The following ZNF423 variants were observed in gnomAD, a reference collection of about 807,000 sequenced individuals.
ZNF423 encodes zinc finger protein 423.
In ZNF423, 12 loss-of-function variants were observed where a neutral mutation model predicts 95.8. The ratio of observed to expected loss-of-function variants is 0.13; its 90% confidence interval spans 0.08 to 0.20. The LOEUF (loss-of-function observed/expected upper bound fraction) is 0.20. Among genes scored for constraint, ZNF423 ranks in the 10% least tolerant of loss-of-function variants. The pLI is 1.00. For synonymous variants in ZNF423, 749 were observed against 711.9 expected (o/e 1.05, Z -0.83); for missense variants, 1,316 against 1,737.1 (o/e 0.76, Z 4.31).
At chr16:49,566,533 T>C (rs1348847658) in intron 5 of ZNF423, among the ~76,000 whole-genome samples, 1 of 152,084 alleles carries the variant, frequency 6.6e-6, no homozygotes, top group Non-Finnish European at 1.5e-5. Context: ...TGTGGAGCTG[T>C]GTGGTGGGGG....
At chr16:49,653,696 C>A (rs542310924) in intron 3 of ZNF423, among the ~76,000 whole-genome samples, 1 of 152,300 alleles carries the variant, frequency 6.6e-6, no homozygotes, top group African/African-American at 2.4e-5. Flanking sequence ...GGGAGATGGA[C>A]AACACTTTTG....
chr16:49,844,867 C>T (rs2035226633), intron 1 of ZNF423, among the ~76,000 whole-genome samples: 1 of 151,748 alleles, frequency 6.6e-6, no homozygotes, highest in Non-Finnish European at 1.5e-5. Context: ...GAAACTCTGT[C>T]TCTACTAAAA....
Position 49,635,308 on chromosome 16 carries a change from T to C in ZNF423, c.3516+352A>G, listed in dbSNP as rs1395144600. 1.3e-5 allele frequency among the ~76,000 whole-genome samples: 2 copies of C among 152,242 alleles called. No individual in the cohort carries two copies. Among genetic ancestry groups the C allele is most frequent in the South Asian group, 4.1e-4 (2 of 4,824 alleles). On this transcript the variant is annotated intron_variant, in intron 4 of 7. Coordinates refer to ENST00000563137, the MANE Select transcript of ZNF423 (RefSeq NM_001379286.1). The surrounding 1 kb of genome is among the most constrained non-coding windows in gnomAD (Gnocchi z 4.8). ...CAACAAAGACACAAGCCACCACCCA[T>C]GGTGCCCTCACTGTGCATCAGCCAC...
chr16:49,679,796 G>C (rs2151936076), intron 3 of ZNF423, among the ~76,000 whole-genome samples: 1 of 152,362 alleles, frequency 6.6e-6, no homozygotes, highest in East Asian at 1.9e-4. Flanking sequence ...CCTGGGGTCT[G>C]GGCTGTCAGT....
In ZNF423 at chr16:49,590,029, A is replaced by AATATATATATATATATATATATAT. The variant is rs201361462; in HGVS notation, c.3601+36140_3601+36141insATATATATATATATATATATATAT. Among the ~76,000 whole-genome samples the AATATATATATATATATATATATAT allele has an allele frequency of 2.4e-3, 231 of 97,494 alleles. 8 individuals are homozygous for AATATATATATATATATATATATAT. Among genetic ancestry groups the AATATATATATATATATATATATAT allele is most frequent in the African/African-American group, 2.6e-3 (70 of 27,242 alleles). The allele number at this position is 97,494 out of a possible 152,430, so 64.0% of individuals were successfully genotyped here. ...GGGATGGGGTAAAGGGGAAGTGGCG[A>AATATATATATATATATATATATAT]ATATATATATATATATATATATTTG... On this transcript the variant is annotated intron_variant, in intron 5 of 7. Transcript: ENST00000563137.
chr16:49,526,894 G>A (rs1237515976), intron 5 of ZNF423, among the ~76,000 whole-genome samples: 1 of 152,034 alleles, frequency 6.6e-6, no homozygotes, highest in Non-Finnish European at 1.5e-5. Flanking sequence ...CAGTGTTGGT[G>A]AGAGTATTAT....
chr16:49,684,712 C>A (rs2031494683), intron 3 of ZNF423, among the ~76,000 whole-genome samples: 1 of 152,188 alleles, frequency 6.6e-6, no homozygotes, highest in Non-Finnish European at 1.5e-5. Flanking sequence ...GGGGGTGGAA[C>A]CCGCATCTTC....
At chr16:49,835,542 CCA>C (rs1364841809) in intron 1 of ZNF423, among the ~76,000 whole-genome samples, 10 of 152,230 alleles carry the variant, frequency 6.6e-5, no homozygotes, top group Admixed American at 6.5e-4. Context: ...GGCTGGGGGC[CCA>C]CAGTCTGCTC....
At chr16:49,822,171 GA>G (rs966471039) in intron 1 of ZNF423, among the ~76,000 whole-genome samples, 1 of 127,446 alleles carries the variant, frequency 7.8e-6, no homozygotes, top group Non-Finnish European at 1.8e-5. Context: ...ACCCCCGCAG[GA>G]ATTTTTTTTT....
chr16:49,748,863 T>C (rs965797649), intron 2 of ZNF423, among the ~76,000 whole-genome samples: 2 of 152,134 alleles, frequency 1.3e-5, no homozygotes, highest in Admixed American at 6.5e-5. Flanking sequence ...CAGCTTCTTC[T>C]GAGCATCGAG....
intron 7 of ZNF423, among the ~76,000 whole-genome samples, chr16:49,491,986 GGCCGAAT>G (rs1161191382): frequency 2.6e-5 from 4 of 152,304 alleles, no homozygotes; most frequent in African/African-American, 9.6e-5. Context: ...AGTGCAGTTT[GGCCGAAT>G]GCACCTAGGA....
At chr16:49,652,220 T>C (rs1425210422) in intron 3 of ZNF423, among the ~76,000 whole-genome samples, 1 of 151,930 alleles carries the variant, frequency 6.6e-6, no homozygotes, top group Non-Finnish European at 1.5e-5. Flanking sequence ...CCTTTCCCCT[T>C]GAAGCCTCTG....
At chr16:49,508,797 C>T (rs34003460) in intron 7 of ZNF423, among the ~76,000 whole-genome samples, 63,260 of 151,902 alleles carry the variant, frequency 0.42, 13,700 homozygotes, top group African/African-American at 0.54. Flanking sequence ...TAGCATCTTG[C>T]TCCTCACCTT....
chr16:49,636,294 C>T lies in ZNF423; in HGVS notation c.2882G>A (p.Arg961Gln), dbSNP rs750544885. 1.1e-4 allele frequency: 170 copies of T among 1,612,680 alleles called. No individual in the cohort carries two copies. The highest frequency in any genetic ancestry group is 4.9e-4 in the Middle Eastern group (3 of 6,062). ...NGLREHLQTHRGPAKHYMCPI... is the reference protein window; with the variant it reads ...NGLREHLQTHQGPAKHYMCPI... ...ACACATGTAGTGCTTGGCAGGGCCC[C>T]GGTGCGTCTGCAGGTGCTCCCGTAG... The change falls in exon 4 of 8, where the codon CGG becomes CAG. Residue 961 changes from arginine (R) to glutamine (Q), a missense_variant. Physicochemically the swap from Arg to Gln is conservative, Grantham distance 43. Transcript: ENST00000563137. The surrounding 1 kb of genome is among the most constrained non-coding windows in gnomAD (Gnocchi z 8.6).
intron 1 of ZNF423, chr16:49,847,725 C>T (rs1316399293): frequency 2.7e-5 from 4 of 149,750 alleles, no homozygotes; most frequent in Non-Finnish European, 5.9e-5. Context: ...GGGTAGTGGG[C>T]TGCAGATCCC....
chr16:49,630,842 G>T (rs1333225082), intron 4 of ZNF423, among the ~76,000 whole-genome samples: 1 of 152,096 alleles, frequency 6.6e-6, no homozygotes, highest in African/African-American at 2.4e-5. Context: ...AGCCCCTCCT[G>T]GTGGGGCACT....
At chr16:49,818,520 C>T (rs1033312818) in intron 1 of ZNF423, among the ~76,000 whole-genome samples, 2 of 149,400 alleles carry the variant, frequency 1.3e-5, no homozygotes, top group African/African-American at 2.5e-5. Flanking sequence ...GTCTATAGTG[C>T]GCTGTGACTG....
intron 5 of ZNF423, among the ~76,000 whole-genome samples, chr16:49,586,747 C>T (rs754844455): frequency 6.6e-6 from 1 of 152,236 alleles, no homozygotes; most frequent in Non-Finnish European, 1.5e-5. Context: ...GCACAGTATT[C>T]AAACACTTCT....
At chr16:49,777,234 A>C (rs2034136475) in intron 2 of ZNF423, among the ~76,000 whole-genome samples, 1 of 152,204 alleles carries the variant, frequency 6.6e-6, no homozygotes, top group Non-Finnish European at 1.5e-5. Context: ...TATTGTGTGG[A>C]GTATGCATAT....
Sources: gnomAD v4.1 joint callset for allele counts (sites outside exome capture counted in the v4.1 genomes callset) on GRCh38, gnomAD v4.1.1 for gene constraint, Gnocchi (gnomAD v3.1) non-coding constraint, MANE v1.5 for transcripts, NCBI Gene and HGNC (gene_info 2026-07-23, HGNC 2026-07-21) for gene names.